Variants in LAMA2 observed in about 807,000 individuals in gnomAD.
The protein encoded by LAMA2 is laminin subunit alpha-2.
In LAMA2, 269 loss-of-function variants were observed where a neutral mutation model predicts 364.8. The observed-to-expected ratio is 0.74, with a 90% CI of 0.67 to 0.82. The LOEUF (loss-of-function observed/expected upper bound fraction) is 0.82. Ranked by LOEUF, LAMA2 falls within the 40% of genes least tolerant of loss-of-function variation. LAMA2 has a pLI of 0.00. For synonymous variants in LAMA2, 1,379 were observed against 1,370.6 expected (o/e 1.01, Z -0.14); for missense variants, 3,807 against 3,873.2 (o/e 0.98, Z 0.45).
intron 12 of LAMA2, among the ~76,000 whole-genome samples, chr6:129,230,360 G>T (rs1562358582): frequency 6.6e-6 from 1 of 151,982 alleles, no homozygotes; most frequent in Non-Finnish European, 1.5e-5. Context: ...TGGAATGAAG[G>T]GCAACATGGA....
At chr6:129,419,832 G>T (rs1780985036) in intron 40 of LAMA2, among the ~76,000 whole-genome samples, 2 of 152,006 alleles carry the variant, frequency 1.3e-5, no homozygotes, top group Admixed American at 6.6e-5. Flanking sequence ...CCTTTTAAGA[G>T]ATTTTTGACC....
chr6:129,306,576 C>T (rs1438235820), intron 22 of LAMA2, among the ~76,000 whole-genome samples: 3 of 151,468 alleles, frequency 2.0e-5, no homozygotes, highest in Non-Finnish European at 4.4e-5. Flanking sequence ...CTTATTGTCT[C>T]TTTCTGGAAA....
At chr6:129,293,203 C>A in intron 20 of LAMA2, 1 of 442,024 alleles carries the variant, frequency 2.3e-6, no homozygotes, top group Non-Finnish European at 3.0e-6. Context: ...TAGACAATTC[C>A]TAATTGAACC....
chr6:129,373,410 C>G (rs1778196505), intron 34 of LAMA2, among the ~76,000 whole-genome samples: 1 of 152,114 alleles, frequency 6.6e-6, no homozygotes, highest in African/African-American at 2.4e-5. Context: ...CCCAGTCTCC[C>G]CATTGTTAAC....
chr6:129,508,342 C>G (rs1357221423), intron 62 of LAMA2, among the ~76,000 whole-genome samples: 1 of 152,056 alleles, frequency 6.6e-6, no homozygotes, highest in African/African-American at 2.4e-5. Flanking sequence ...ATGGGGTATC[C>G]ATCACCTCAA....
At chr6:129,374,620 C>G (rs7738438) in intron 34 of LAMA2, among the ~76,000 whole-genome samples, 50,933 of 151,248 alleles carry the variant, frequency 0.34, 8,857 homozygotes, top group East Asian at 0.49. Flanking sequence ...CCTTGTTGTC[C>G]AGGCTGGAGT....
At chr6:129,024,848 C>T (rs10456974) in intron 1 of LAMA2, among the ~76,000 whole-genome samples, 14,614 of 152,052 alleles carry the variant, frequency 0.096, 916 homozygotes, top group South Asian at 0.16. Context: ...ACTTGGGAGG[C>T]GGAGACAGGA....
intron 4 of LAMA2, among the ~76,000 whole-genome samples, chr6:129,109,494 T>G (rs182305292): frequency 6.6e-6 from 1 of 151,746 alleles, no homozygotes; most frequent in East Asian, 1.9e-4. Context: ...CTGAAATGCC[T>G]TAATACATAA....
At chr6:129,277,045 G>T (rs1270158470) in intron 17 of LAMA2, among the ~76,000 whole-genome samples, 2 of 152,054 alleles carry the variant, frequency 1.3e-5, no homozygotes, top group Admixed American at 1.3e-4. Context: ...TTCATGTCCA[G>T]CTTTTTATTG....
At chr6:128,925,307 T>C (rs1378176591) in intron 1 of LAMA2, among the ~76,000 whole-genome samples, 1 of 152,184 alleles carries the variant, frequency 6.6e-6, no homozygotes, top group Non-Finnish European at 1.5e-5. Context: ...TGTGCATGTA[T>C]ACGATGGAAC....
At chr6:129,277,828 A>C (rs2114382833) in intron 17 of LAMA2, among the ~76,000 whole-genome samples, 1 of 152,300 alleles carries the variant, frequency 6.6e-6, no homozygotes, top group East Asian at 1.9e-4. Flanking sequence ...GATTTTTGTC[A>C]GTGAGCACCT....
At chr6:128,902,147 A>G (rs1419299227) in intron 1 of LAMA2, among the ~76,000 whole-genome samples, 2 of 152,204 alleles carry the variant, frequency 1.3e-5, no homozygotes, top group Non-Finnish European at 2.9e-5. Context: ...AGCATGGGGG[A>G]ATCACTCTCA....
chr6:128,964,861 C>G (rs935592148), intron 1 of LAMA2, among the ~76,000 whole-genome samples: 1 of 151,982 alleles, frequency 6.6e-6, no homozygotes, highest in African/African-American at 2.4e-5. Context: ...GTTTGGGTTG[C>G]TGGGTAAATG....
intron 55 of LAMA2, among the ~76,000 whole-genome samples, chr6:129,485,038 T>C (rs1562607314): frequency 6.6e-6 from 1 of 152,218 alleles, no homozygotes. Context: ...TTACTACACA[T>C]AATAAGCACT....
At chr6:129,024,226 A>T (rs933520880) in intron 1 of LAMA2, among the ~76,000 whole-genome samples, 4 of 152,102 alleles carry the variant, frequency 2.6e-5, no homozygotes, top group African/African-American at 9.7e-5. Context: ...TACAGAGAAT[A>T]TGGAGAATAT....
intron 38 of LAMA2, 71 bp from the exon 39 acceptor site, chr6:129,402,252 TC>T (rs1185876547): frequency 1.9e-5 from 21 of 1,126,468 alleles, no homozygotes; most frequent in Admixed American, 8.8e-5. Flanking sequence ...TAGTTATGTC[TC>T]ATAGAGAAAT....
chr6:129,345,797 A>C, intron 30 of LAMA2, among the ~76,000 whole-genome samples: 1 of 152,202 alleles, frequency 6.6e-6, no homozygotes, highest in Admixed American at 6.6e-5. Context: ...GGATTTCATG[A>C]GTCACTTATA....
intron 4 of LAMA2, among the ~76,000 whole-genome samples, chr6:129,106,434 GC>G (rs1344805766): frequency 6.6e-6 from 1 of 152,144 alleles, no homozygotes. Context: ...TGAAGACCTA[GC>G]CTTTCTCAAT....
intron 1 of LAMA2, chr6:128,929,505 G>A: frequency 1.2e-6 from 1 of 857,626 alleles, no homozygotes; most frequent in Admixed American, 1.7e-5. Context: ...ATGCCGACCA[G>A]ATCGATTCTG....
Sources: allele counts gnomAD v4.1 joint callset (sites outside exome capture counted in the v4.1 genomes callset), GRCh38; gene constraint gnomAD v4.1.1; transcripts MANE v1.5; gene names NCBI Gene and HGNC (gene_info 2026-07-23, HGNC 2026-07-21).